RSU1: variants seen among roughly 807,000 people sequenced by gnomAD.
RSU1 encodes rsu-1.
RSU1 carries 26 observed loss-of-function variants against 31.1 expected under a neutral mutation model. The ratio of observed to expected loss-of-function variants is 0.84; its 90% CI spans 0.61 to 1.16. RSU1 has a LOEUF of 1.16. RSU1 is among the 50% of genes most tolerant of loss of function. The pLI is 0.00. For missense variants in RSU1, 320 were observed against 339.1 expected (o/e 0.94, Z 0.44); for synonymous variants, 164 against 136.3 (o/e 1.20, Z -1.41).
chr10:16,784,745 C>T (rs151257301), intron 2 of RSU1, among the ~76,000 whole-genome samples: 2 of 152,132 alleles, frequency 1.3e-5, no homozygotes, highest in African/African-American at 4.8e-5. Context: ...TAAAACCATT[C>T]GATCTCGTGA....
chr10:16,626,543 G>C (rs528219469), intron 8 of RSU1, among the ~76,000 whole-genome samples: 1 of 152,250 alleles, frequency 6.6e-6, no homozygotes, highest in Non-Finnish European at 1.5e-5. Context: ...GGCAATGTTG[G>C]CCTGTCTGGA....
chr10:16,639,505 G>A (rs746322026), intron 8 of RSU1, among the ~76,000 whole-genome samples: 23 of 152,102 alleles, frequency 1.5e-4, no homozygotes, highest in East Asian at 7.7e-4. Flanking sequence ...CAATTAATGC[G>A]GGTTTAAAGG....
At chr10:16,782,271 A>T (rs528609770) in intron 2 of RSU1, among the ~76,000 whole-genome samples, 187 bp from the exon 3 acceptor site, 2 of 152,362 alleles carry the variant, frequency 1.3e-5, no homozygotes, top group South Asian at 2.1e-4. Context: ...AAGAAAAGGC[A>T]TGCAACTAAC....
chr10:16,690,170 T>G (rs939097395), intron 8 of RSU1, among the ~76,000 whole-genome samples: 1 of 152,144 alleles, frequency 6.6e-6, no homozygotes, highest in Non-Finnish European at 1.5e-5. Context: ...TCTGGAAACT[T>G]AAGTGATGAG....
intron 8 of RSU1, among the ~76,000 whole-genome samples, chr10:16,669,545 T>C (rs1349030863): frequency 6.6e-6 from 1 of 152,178 alleles, no homozygotes; most frequent in African/African-American, 2.4e-5. Context: ...TTCCTAACAG[T>C]GACACTCATC....
intron 8 of RSU1, among the ~76,000 whole-genome samples, chr10:16,636,125 A>G (rs996489729): frequency 6.6e-6 from 1 of 152,048 alleles, no homozygotes; most frequent in African/African-American, 2.4e-5. Context: ...TTCCAGACTC[A>G]TCATTATCAA....
intron 8 of RSU1, among the ~76,000 whole-genome samples, chr10:16,668,945 A>G (rs1211684047): frequency 6.6e-6 from 1 of 151,888 alleles, no homozygotes; most frequent in African/African-American, 2.4e-5. Flanking sequence ...AACTTCTCAG[A>G]TAATCTTATA....
At chr10:16,749,847 G>A (rs969568173) in intron 7 of RSU1, among the ~76,000 whole-genome samples, 4 of 152,182 alleles carry the variant, frequency 2.6e-5, no homozygotes, top group Non-Finnish European at 5.9e-5. Flanking sequence ...GTGTGCTGGG[G>A]TTGTGTTTTG....
chr10:16,806,632 A>G (rs1277375446), intron 2 of RSU1, among the ~76,000 whole-genome samples: 1 of 152,174 alleles, frequency 6.6e-6, no homozygotes, highest in East Asian at 1.9e-4. Flanking sequence ...TGGTATTTCA[A>G]TCATATTATC....
intron 8 of RSU1, among the ~76,000 whole-genome samples, chr10:16,684,839 T>A (rs7896721): frequency 6.6e-6 from 1 of 152,054 alleles, no homozygotes; most frequent in Non-Finnish European, 1.5e-5. Flanking sequence ...CATTAACCTG[T>A]CACAAAAAAA....
At chr10:16,696,016 T>C (rs1835667372) in intron 7 of RSU1, among the ~76,000 whole-genome samples, 1 of 152,130 alleles carries the variant, frequency 6.6e-6, no homozygotes, top group Non-Finnish European at 1.5e-5. Context: ...CTTTTTGATA[T>C]ATTCAAAAAT....
chr10:16,706,053 G>A (rs1473207934), intron 7 of RSU1, among the ~76,000 whole-genome samples: 1 of 152,308 alleles, frequency 6.6e-6, no homozygotes. Context: ...TGATGTACAC[G>A]TGTGCTGCAT....
chr10:16,593,617 A>G, intron 8 of RSU1, 121 bp from the exon 9 acceptor site: 1 of 766,976 alleles, frequency 1.3e-6, no homozygotes, highest in Non-Finnish European at 2.2e-6. Context: ...AAGAAAACCA[A>G]AAGATCACTT....
At chr10:16,745,689 T>C (rs998454743) in intron 7 of RSU1, among the ~76,000 whole-genome samples, 1 of 152,118 alleles carries the variant, frequency 6.6e-6, no homozygotes, top group Non-Finnish European at 1.5e-5. Flanking sequence ...GCGTGGGAAT[T>C]ATGGGAGCTA....
chr10:16,733,935 T>C (rs1462640334), intron 7 of RSU1, among the ~76,000 whole-genome samples: 2 of 152,238 alleles, frequency 1.3e-5, no homozygotes, highest in Non-Finnish European at 2.9e-5. Context: ...TTGCTTTCAA[T>C]TCAGTCAACC....
At chr10:16,632,686 C>A (rs1834274331) in intron 8 of RSU1, among the ~76,000 whole-genome samples, 2 of 152,152 alleles carry the variant, frequency 1.3e-5, no homozygotes, top group Admixed American at 6.5e-5. Flanking sequence ...CACCTGTAAT[C>A]CAAGCACTTT....
At chr10:16,761,145 G>A (rs540937155) in intron 4 of RSU1, among the ~76,000 whole-genome samples, 44 of 152,200 alleles carry the variant, frequency 2.9e-4, no homozygotes, top group Non-Finnish European at 4.3e-4. Context: ...GTTTCGCCAC[G>A]TTGACCAGGC....
At chr10:16,691,722 CTTTTTTTTTTTTTT>C (rs58786188) in intron 8 of RSU1, among the ~76,000 whole-genome samples, 12 of 106,044 alleles carry the variant, frequency 1.1e-4, no homozygotes, top group African/African-American at 3.7e-4. Flanking sequence ...GCTGCTGCTT[CTTTTTTTTTTTTTT>C]TTTTTTTTTT....
intron 4 of RSU1, among the ~76,000 whole-genome samples, chr10:16,761,543 C>T (rs1275650669): frequency 6.6e-6 from 1 of 152,254 alleles, no homozygotes; most frequent in East Asian, 1.9e-4. Flanking sequence ...CCCAGGCAGG[C>T]AGTGCTGTGA....
Sources: allele counts gnomAD v4.1 joint callset (sites outside exome capture counted in the v4.1 genomes callset), GRCh38; gene constraint gnomAD v4.1.1; transcripts MANE v1.5; gene names NCBI Gene and HGNC (gene_info 2026-07-23, HGNC 2026-07-21).